HS6ST3: variants seen among roughly 807,000 people sequenced by gnomAD.
HS6ST3 encodes the protein heparan-sulfate 6-O-sulfotransferase 3.
Under a neutral mutation model 36.7 loss-of-function variants are expected in HS6ST3, and 12 were observed. That is an observed-to-expected ratio of 0.33 (90% confidence interval 0.21 to 0.53). The LOEUF (loss-of-function observed/expected upper bound fraction) is 0.53, where lower values mean the gene tolerates loss of function less well. Ranked by LOEUF, HS6ST3 falls within the 20% of genes least tolerant of loss-of-function variation. HS6ST3 has a pLI of 0.95. For synonymous variants in HS6ST3, 240 were observed against 257.5 expected, an observed-to-expected ratio of 0.93 and a Z score of 0.65; for missense variants, 584 against 640.9, an observed-to-expected ratio of 0.91 and a Z score of 0.96.
At chr13:96,692,551 T>C (rs902839524) in intron 1 of HS6ST3, among the ~76,000 whole-genome samples, 38 of 152,294 alleles carry the variant, frequency 2.5e-4, no homozygotes, top group African/African-American at 9.1e-4. Context: ...GGAACTTTAA[T>C]CACAGATTGC....
chr13:96,196,234 C>G (rs1006382258), intron 1 of HS6ST3, among the ~76,000 whole-genome samples: 2 of 152,162 alleles, frequency 1.3e-5, no homozygotes, highest in Non-Finnish European at 2.9e-5. Flanking sequence ...ACCTTCTACC[C>G]TCCTACTCAA....
intron 1 of HS6ST3, among the ~76,000 whole-genome samples, chr13:96,694,040 CA>C (rs1195368416): frequency 6.6e-6 from 1 of 152,078 alleles, no homozygotes; most frequent in Non-Finnish European, 1.5e-5. Context: ...ATTTTAAATT[CA>C]GGGGTACATG....
chr13:96,351,967 C>A (rs1039136104), intron 1 of HS6ST3, among the ~76,000 whole-genome samples: 2 of 151,930 alleles, frequency 1.3e-5, no homozygotes, highest in Non-Finnish European at 2.9e-5. Context: ...AGAACAGCAA[C>A]ACAAATAATA....
chr13:96,357,559 A>G (rs1273741370), intron 1 of HS6ST3, among the ~76,000 whole-genome samples: 1 of 149,168 alleles, frequency 6.7e-6, no homozygotes, highest in African/African-American at 2.4e-5. Flanking sequence ...GATTAAGTTC[A>G]CCATCTATTT....
intron 1 of HS6ST3, among the ~76,000 whole-genome samples, chr13:96,343,943 C>T (rs1317943813): frequency 2.0e-5 from 3 of 152,062 alleles, no homozygotes; most frequent in Admixed American, 1.3e-4. Flanking sequence ...GGGGTTTCAC[C>T]GTGTTAGCCA....
intron 1 of HS6ST3, among the ~76,000 whole-genome samples, chr13:96,139,541 GAAAAAAAAAAAAA>G (rs57777280): frequency 1.8e-4 from 12 of 66,282 alleles, no homozygotes; most frequent in East Asian, 1.4e-3. Context: ...GTAAGATTCA[GAAAAAAAAAAAAA>G]AAAAAAAAAA....
chr13:96,792,911 A>T (rs6491306), intron 1 of HS6ST3, among the ~76,000 whole-genome samples: 34,225 of 151,988 alleles, frequency 0.23, 6,602 homozygotes, highest in African/African-American at 0.53. Context: ...CCTGGGAAAC[A>T]TTCGCAGTCA....
Position 96,536,873 on chromosome 13 carries a change from G to C in HS6ST3, c.708-295617G>C, listed in dbSNP as rs534472703. On this transcript the variant is annotated intron_variant, in intron 1 of 1. Coordinates refer to ENST00000376705, the MANE Select transcript of HS6ST3 (RefSeq NM_153456.4). ...TAGTATGCCAACAGCCCACTTTTTT[G>C]GGGGGGATTGGAAATCTTCCACCTA... Among the ~76,000 whole-genome samples, 5 of 152,200 alleles carry C rather than the reference G, an allele frequency of 3.3e-5. No individual in the cohort carries two copies. In the East Asian group the frequency reaches 9.6e-4, roughly 29 times the overall value.
At chr13:96,677,298 G>A (rs879148513) in intron 1 of HS6ST3, among the ~76,000 whole-genome samples, 2 of 152,084 alleles carry the variant, frequency 1.3e-5, no homozygotes, top group Admixed American at 1.3e-4. Context: ...TAAAAGAGCA[G>A]GCACACTAGA....
At chr13:96,804,993 A>G (rs549216894) in intron 1 of HS6ST3, among the ~76,000 whole-genome samples, 41 of 152,348 alleles carry the variant, frequency 2.7e-4, no homozygotes, top group Admixed American at 1.1e-3. Flanking sequence ...AAAGTGTGAC[A>G]AAAATGACCT....
chr13:96,637,076 A>T (rs2056552555), intron 1 of HS6ST3, among the ~76,000 whole-genome samples: 1 of 152,114 alleles, frequency 6.6e-6, no homozygotes, highest in Non-Finnish European at 1.5e-5. Flanking sequence ...AGAAGAAAAA[A>T]CTTAGGGAAG....
intron 1 of HS6ST3, among the ~76,000 whole-genome samples, chr13:96,742,198 G>A (rs1374448518): frequency 2.0e-5 from 3 of 152,058 alleles, no homozygotes; most frequent in Admixed American, 6.6e-5. Context: ...CAAGCCAGTG[G>A]CAAGAGGCAG....
At chr13:96,105,462 C>T (rs1027649961) in intron 1 of HS6ST3, among the ~76,000 whole-genome samples, 1 of 152,018 alleles carries the variant, frequency 6.6e-6, no homozygotes, top group African/African-American at 2.4e-5. Flanking sequence ...ACCAGCCTGG[C>T]CAACATGGTG....
intron 1 of HS6ST3, among the ~76,000 whole-genome samples, chr13:96,172,001 T>C (rs1440684838): frequency 1.3e-5 from 2 of 152,196 alleles, no homozygotes; most frequent in Admixed American, 1.3e-4. Context: ...ATATGGTTTC[T>C]TTTTGAGCCC....
chr13:96,631,001 A>G (rs1032334765), intron 1 of HS6ST3, among the ~76,000 whole-genome samples: 1 of 152,174 alleles, frequency 6.6e-6, no homozygotes. Flanking sequence ...ACAGAAATCA[A>G]TGGGTTTCAG....
chr13:96,653,971 T>C (rs1354150380), intron 1 of HS6ST3, among the ~76,000 whole-genome samples: 4 of 152,238 alleles, frequency 2.6e-5, no homozygotes, highest in Admixed American at 2.6e-4. Context: ...ATGGTGAGCA[T>C]TTTTTCATAT....
rs544621934 is a variant in HS6ST3 at position 96,097,715 on chromosome 13, G to T, written c.707+6146G>T. Among the ~76,000 whole-genome samples the T allele has an allele frequency of 3.3e-5, 5 of 152,282 alleles. No homozygotes were observed. The South Asian group carries it at 8.3e-4, about 25-fold the overall frequency. ...GTTTAAATTATAGCTGAGCATTCATGTATTGGAAGGAATAGTAAACATTTT... is the reference window on the plus strand; with the variant it reads ...GTTTAAATTATAGCTGAGCATTCATTTATTGGAAGGAATAGTAAACATTTT... On this transcript the variant is annotated intron_variant, in intron 1 of 1. Transcript: ENST00000376705.
intron 1 of HS6ST3, among the ~76,000 whole-genome samples, chr13:96,363,353 A>G (rs1566338203): frequency 6.6e-6 from 1 of 151,858 alleles, no homozygotes; most frequent in South Asian, 2.1e-4. Context: ...GTTTAAAGCA[A>G]AGAAGTTGAC....
intron 1 of HS6ST3, among the ~76,000 whole-genome samples, chr13:96,597,332 C>T (rs1294837458): frequency 6.7e-6 from 1 of 149,546 alleles, no homozygotes; most frequent in Admixed American, 6.7e-5. Flanking sequence ...TACCCCTGAA[C>T]TTAAAATAAA....
Sources: gnomAD v4.1 joint callset for allele counts (sites outside exome capture counted in the v4.1 genomes callset) on GRCh38, gnomAD v4.1.1 for gene constraint, MANE v1.5 for transcripts, NCBI Gene and HGNC (gene_info 2026-07-23, HGNC 2026-07-21) for gene names.